The following DENND3 variants were observed in gnomAD, a reference collection of about 807,000 sequenced individuals.
DENND3 encodes DENN domain containing 3, also known as DENN domain-containing protein 3.
In DENND3, 88 loss-of-function variants were observed where a neutral mutation model predicts 135.1. The ratio of observed to expected loss-of-function variants is 0.65; its 90% CI spans 0.55 to 0.78. The LOEUF is 0.78. Among genes scored for constraint, DENND3 ranks in the 30% least tolerant of loss-of-function variants. The pLI, the probability that DENND3 is intolerant of heterozygous loss-of-function variation, is 0.00. For synonymous variants in DENND3, 693 were observed against 712.3 expected (o/e 0.97, Z 0.43); for missense variants, 1,392 against 1,688.4 (o/e 0.82, Z 3.08).
intron 8 of DENND3, 104 bp from the exon 9 acceptor site, chr8:141,160,528 A>C: frequency 1.5e-6 from 2 of 1,324,558 alleles, no homozygotes; most frequent in Non-Finnish European, 2.0e-6. Context: ...ATTGATCGGT[A>C]TTTGTGTCTG....
intron 5 of DENND3, among the ~76,000 whole-genome samples, chr8:141,150,051 T>C (rs1403715862): frequency 1.3e-5 from 2 of 152,248 alleles, no homozygotes; most frequent in African/African-American, 2.4e-5. Context: ...CTGTCTGCTC[T>C]GATCATGTCT....
rs370707220 is a variant in DENND3 at position 141,194,241 on chromosome 8, T to C, written c.*8T>C. ...ATTTGGAAAGGCGAATAAACGTGGC[T>C]GAGTCTGCCAAGTGGAACTGTGCCC... is the stretch of plus-strand genomic sequence containing the variant. On this transcript the variant is annotated 3_prime_UTR_variant, in exon 23 of 23. Transcript: ENST00000519811. The C allele has an allele frequency of 1.7e-4, 277 of 1,610,496 alleles. No individual in the cohort carries two copies. In the African/African-American group the frequency reaches 2.8e-3, roughly 16 times the overall value.
chr8:141,164,912 G>A (rs1728018536), intron 10 of DENND3, among the ~76,000 whole-genome samples: 1 of 152,224 alleles, frequency 6.6e-6, no homozygotes, highest in Admixed American at 6.5e-5. Context: ...ACTGCCTTAT[G>A]GCCAGAAGCT....
chr8:141,144,372 A>G lies in DENND3; in HGVS notation c.735+113A>G. 9.5e-7 allele frequency: 1 copy of G among 1,050,716 alleles called. No individual in the cohort carries two copies. The highest frequency in any genetic ancestry group is 2.6e-4 in the Middle Eastern group (1 of 3,920). 65.1% of individuals were successfully genotyped at this position (1,050,716 alleles called of 1,614,324 possible). A position where few individuals can be genotyped will look rare whatever the true frequency, so the allele number is the denominator to read the frequency against. ...CTGAAGTTCTAGCTGTTGTAAACCT[A>G]AAATAACATCCTAACCCCCCCGCCT... On this transcript the variant is annotated intron_variant, in intron 5 of 22. Coordinates refer to ENST00000519811, the MANE Select transcript of DENND3 (RefSeq NM_001352890.3). The surrounding 1 kb of genome is among the most constrained non-coding windows in gnomAD (Gnocchi z 4.4).
chr8:141,186,539 C>T (rs1823914470), intron 18 of DENND3, among the ~76,000 whole-genome samples: 1 of 152,180 alleles, frequency 6.6e-6, no homozygotes, highest in Non-Finnish European at 1.5e-5. Flanking sequence ...CTTTTTCCTT[C>T]TAGCTCATCA....
chr8:141,181,948 G>A (rs918956560), intron 17 of DENND3, among the ~76,000 whole-genome samples: 9 of 151,870 alleles, frequency 5.9e-5, no homozygotes, highest in South Asian at 2.1e-4. Context: ...ACGTGCCACC[G>A]AAACCAGGTG....
At chr8:141,140,062 C>T (rs906352874) in intron 3 of DENND3, among the ~76,000 whole-genome samples, 3 of 152,118 alleles carry the variant, frequency 2.0e-5, no homozygotes, top group African/African-American at 7.2e-5. Flanking sequence ...CAGGTGTGCA[C>T]CACCATGCCC....
At chr8:141,129,445 C>T (rs1815662096) in intron 1 of DENND3, among the ~76,000 whole-genome samples, 1 of 152,148 alleles carries the variant, frequency 6.6e-6, no homozygotes, top group South Asian at 2.1e-4. Flanking sequence ...TCCTCCATCT[C>T]TGCACCCTCG....
chr8:141,183,432 T>C (rs1346750836), intron 17 of DENND3, among the ~76,000 whole-genome samples: 2 of 151,106 alleles, frequency 1.3e-5, no homozygotes, highest in East Asian at 1.9e-4. Flanking sequence ...TTTTTTTTTT[T>C]TTTTTGTAGA....
rs78489631 is a variant in DENND3 at position 141,146,295 on chromosome 8, A to G, written c.735+2036A>G. 8.4e-3 allele frequency among the ~76,000 whole-genome samples: 1,273 copies of G among 152,118 alleles called. 17 individuals are homozygous for G. The highest frequency in any genetic ancestry group is 0.029 in the African/African-American group (1,205 of 41,470). ...TTCCCAGGCTGGTTTTTTTTCTGAG[A>G]GATGTTATTGGCGATTTCAAGACAC... On this transcript the variant is annotated intron_variant, in intron 5 of 22. Coordinates refer to ENST00000519811, the MANE Select transcript of DENND3 (RefSeq NM_001352890.3). This position sits in a 1 kb window ranked among gnomAD's most constrained non-coding sequence, Gnocchi z 4.3.
chr8:141,145,435 C>T (rs1044585774), intron 5 of DENND3, among the ~76,000 whole-genome samples: 5 of 152,258 alleles, frequency 3.3e-5, no homozygotes, highest in South Asian at 4.1e-4. Context: ...AACTGTAACC[C>T]GGCCCTCTGG....
rs372268407 is a variant in DENND3 at position 141,175,366 on chromosome 8, C to T, written c.2442C>T (p.Gly814=). Residue 814 remains glycine, a synonymous_variant, in exon 14 of 23, where the codon GGC becomes GGT. Coordinates refer to ENST00000519811, the MANE Select transcript of DENND3 (RefSeq NM_001352890.3). This position sits in a 1 kb window ranked among gnomAD's most constrained non-coding sequence, Gnocchi z 5.4. ...KLSSSVKTNL[G]VGKIAMTQKR... is the part of the protein sequence containing the mutation. ...CCAGCTCCGTCAAGACAAACCTAGG[C>T]GTTGGCAAGATCGCCATGACCCAGA... is the stretch of plus-strand genomic sequence containing the variant. 2.8e-5 allele frequency: 45 copies of T among 1,614,076 alleles called. No homozygotes were observed. In the African/African-American group the frequency reaches 4.5e-4, roughly 16 times the overall value.
chr8:141,192,277 T>C, intron 20 of DENND3, 54 bp from the exon 21 acceptor site: 8 of 1,600,596 alleles, frequency 5.0e-6, no homozygotes, highest in Non-Finnish European at 6.8e-6. Context: ...GGTGCTGGCG[T>C]CTTATGTTGC....
At chr8:141,172,560 C>A (rs563727870) in intron 13 of DENND3, among the ~76,000 whole-genome samples, 2 of 152,286 alleles carry the variant, frequency 1.3e-5, no homozygotes, top group African/African-American at 2.4e-5. Context: ...AGAAGATTTG[C>A]CCTGAGCGGC....
At chr8:141,135,125 C>T (rs569622497) in intron 1 of DENND3, among the ~76,000 whole-genome samples, 28 of 150,932 alleles carry the variant, frequency 1.9e-4, no homozygotes, top group Admixed American at 1.1e-3. Flanking sequence ...CATGAGCCAC[C>T]GCGCCCAGCT....
chr8:141,130,985 G>T lies in DENND3; in HGVS notation c.102+2176G>T, dbSNP rs933584310. 8.6e-5 allele frequency among the ~76,000 whole-genome samples: 13 copies of T among 151,986 alleles called. No individual in the cohort carries two copies. The highest frequency in any genetic ancestry group is 8.5e-4 in the Admixed American group (13 of 15,250). On this transcript the variant is annotated intron_variant, in intron 1 of 22. Coordinates refer to ENST00000519811, the MANE Select transcript of DENND3 (RefSeq NM_001352890.3). The surrounding 1 kb of genome is among the most constrained non-coding windows in gnomAD (Gnocchi z 4.2). ...TAGGTGTGAGCCACCGCACCTGGCCGCTTTTAAATAATTTTTACCTTGACT... is the reference window on the plus strand; with the variant it reads ...TAGGTGTGAGCCACCGCACCTGGCCTCTTTTAAATAATTTTTACCTTGACT...
In DENND3 at chr8:141,162,281, AT is replaced by A. The variant is rs541357646; in HGVS notation, c.1353-1043del. 4.8e-4 allele frequency among the ~76,000 whole-genome samples: 73 copies of A among 151,862 alleles called. No individual in the cohort carries two copies. In the Middle Eastern group the frequency reaches 0.021, roughly 43 times the overall value. On this transcript the variant is annotated intron_variant, in intron 9 of 22. Coordinates refer to ENST00000519811, the MANE Select transcript of DENND3 (RefSeq NM_001352890.3). ...TTGAAGATGAAATATCTTATGAACA[AT>A]TTTTTTTTAATTTCTTAATATTTTA...
At position 141,130,772 on chromosome 8, in the gene DENND3, C is replaced by T. The variant is rs145100074; in HGVS notation, c.102+1963C>T. 6.4e-3 allele frequency among the ~76,000 whole-genome samples: 967 copies of T among 151,784 alleles called. 4 individuals are homozygous for T. Among genetic ancestry groups the T allele is most frequent in the Non-Finnish European group, 0.011 (738 of 67,942 alleles). ...TGCAATCTCGGCTCACTGCAATCTCCGCCTCCTGAGTTCAAGCAATTCTCC... is the reference window on the plus strand; with the variant it reads ...TGCAATCTCGGCTCACTGCAATCTCTGCCTCCTGAGTTCAAGCAATTCTCC... On this transcript the variant is annotated intron_variant, in intron 1 of 22. Coordinates refer to ENST00000519811, the MANE Select transcript of DENND3 (RefSeq NM_001352890.3). The surrounding 1 kb of genome is among the most constrained non-coding windows in gnomAD (Gnocchi z 4.2).
Position 141,174,919 on chromosome 8 carries a change from C to G in DENND3, c.2276-281C>G, listed in dbSNP as rs1057330217. 2.0e-5 allele frequency among the ~76,000 whole-genome samples: 3 copies of G among 152,226 alleles called. No individual in the cohort carries two copies. Among genetic ancestry groups the G allele is most frequent in the Non-Finnish European group, 2.9e-5 (2 of 68,032 alleles). ...TACCCAAAGGTAAGAGTTGCTGTGACTACCTGAAGCAGGTCCCGTGGCCAT... is the reference window on the plus strand; with the variant it reads ...TACCCAAAGGTAAGAGTTGCTGTGAGTACCTGAAGCAGGTCCCGTGGCCAT... On this transcript the variant is annotated intron_variant, in intron 13 of 22. Coordinates refer to ENST00000519811, the MANE Select transcript of DENND3 (RefSeq NM_001352890.3). The surrounding 1 kb of genome is among the most constrained non-coding windows in gnomAD (Gnocchi z 4.6).
Sources: allele counts gnomAD v4.1 joint callset (sites outside exome capture counted in the v4.1 genomes callset), GRCh38; gene constraint gnomAD v4.1.1; non-coding constraint Gnocchi (gnomAD v3.1); transcripts MANE v1.5; gene names NCBI Gene and HGNC (gene_info 2026-07-23, HGNC 2026-07-21).